CDC16: variants seen among roughly 807,000 people sequenced by gnomAD.
CDC16 encodes cell division cycle 16.
A neutral mutation model predicts 87.0 loss-of-function variants in CDC16; 34 were observed. That is an observed-to-expected ratio of 0.39 (90% confidence interval 0.30 to 0.52). The LOEUF is 0.52. Ranked by LOEUF, CDC16 falls within the 20% of genes least tolerant of loss-of-function variation. CDC16 has a pLI of 0.74. For synonymous variants in CDC16, 263 were observed against 260.6 expected (o/e 1.01, Z -0.09); for missense variants, 653 against 751.9 (o/e 0.87, Z 1.54).
rs745823334 is a variant in CDC16, at chr13:114,243,863, A to T, written c.641A>T (p.Lys214Met). 6.2e-7 allele frequency: 1 copy of T among 1,609,258 alleles called. No individual in the cohort carries two copies. The highest frequency in any genetic ancestry group is 2.2e-5 in the East Asian group (1 of 44,794). The change falls in exon 8 of 18, where the codon AAG becomes ATG. Residue 214 changes from lysine to methionine, a missense_variant. Transcript: ENST00000356221. ...CATTTCTATGTGTTTCAGTATAATA[A>T]GCCTAGTGAAACGGTCATCCCTGAA... ...LFENKLKKYN[K>M]PSETVIPESV...
At chr13:114,250,366 C>T (rs959114734) in intron 11 of CDC16, among the ~76,000 whole-genome samples, 183 bp from the exon 12 acceptor site, 1 of 151,820 alleles carries the variant, frequency 6.6e-6, no homozygotes, top group African/African-American at 2.4e-5. Flanking sequence ...GTGGCGGGTG[C>T]CTGTAATCCC....
chr13:114,258,263 G>A (rs1046208694), intron 13 of CDC16, among the ~76,000 whole-genome samples: 4 of 152,090 alleles, frequency 2.6e-5, no homozygotes, highest in African/African-American at 4.8e-5. Flanking sequence ...ATTTGTAACC[G>A]CCAAATCAGT....
intron 3 of CDC16, 79 bp downstream of exon 3, chr13:114,236,975 C>T: frequency 1.2e-6 from 1 of 855,160 alleles, no homozygotes; most frequent in Non-Finnish European, 1.8e-6. Context: ...GTGGCTTACA[C>T]CTGTAATCCC....
At chr13:114,266,468 G>A (rs2083219495) in intron 17 of CDC16, among the ~76,000 whole-genome samples, 1 of 152,162 alleles carries the variant, frequency 6.6e-6, no homozygotes, top group African/African-American at 2.4e-5. Flanking sequence ...AAAAATGCAT[G>A]TTCCCATAGG....
At chr13:114,250,149 C>T (rs1212774065) in intron 11 of CDC16, among the ~76,000 whole-genome samples, 1 of 152,170 alleles carries the variant, frequency 6.6e-6, no homozygotes, top group Non-Finnish European at 1.5e-5. Context: ...GATCATACCA[C>T]TGCATTCCAG....
At chr13:114,271,974 C>T (rs141536453) in intron 17 of CDC16, among the ~76,000 whole-genome samples, 27 of 152,242 alleles carry the variant, frequency 1.8e-4, no homozygotes, top group African/African-American at 5.8e-4. Flanking sequence ...TGTTGTTTTC[C>T]TTCTGCTCTC....
rs941371443 is a variant in CDC16 at position 114,238,407 on chromosome 13, C to T, written c.202-583C>T. On this transcript the variant is annotated intron_variant, in intron 3 of 17. Coordinates refer to ENST00000356221, the MANE Select transcript of CDC16 (RefSeq NM_001078645.3). ...TGAAGTGGAGCTGCTGCGAGCTCCT[C>T]GGACGCCCAGCAGTTATTCACACTC... Among the ~76,000 whole-genome samples the T allele has an allele frequency of 1.1e-4, 15 of 139,032 alleles. 1 individual carries two copies. The highest frequency in any genetic ancestry group is 2.9e-4 in the African/African-American group (10 of 34,410). 91.2% of individuals were successfully genotyped at this position (139,032 alleles called of 152,430 possible).
chr13:114,238,293 C>T lies in CDC16; in HGVS notation c.202-697C>T, dbSNP rs368846323. 2.4e-3 allele frequency among the ~76,000 whole-genome samples: 318 copies of T among 133,364 alleles called. 14 individuals are homozygous for T. In the South Asian group the frequency reaches 0.065, roughly 27 times the overall value. 87.5% of individuals were successfully genotyped at this position (133,364 alleles called of 152,430 possible). Reference sequence around the variant, plus strand: ...TGAAGTGGAGCTGCTGTGAGCTCCTCGGACGCCCAGCAGTTATTCACACTC... The same window carrying T: ...TGAAGTGGAGCTGCTGTGAGCTCCTTGGACGCCCAGCAGTTATTCACACTC... On this transcript the variant is annotated intron_variant, in intron 3 of 17. Transcript: ENST00000356221.
intron 11 of CDC16, among the ~76,000 whole-genome samples, chr13:114,247,795 G>C (rs1233285990): frequency 6.6e-6 from 1 of 152,128 alleles, no homozygotes; most frequent in African/African-American, 2.4e-5. Context: ...AGAATCGCTT[G>C]AACCTGGAAA....
At chr13:114,256,911 A>C (rs1266705243) in intron 12 of CDC16, among the ~76,000 whole-genome samples, 167 bp from the exon 13 acceptor site, 2 of 152,238 alleles carry the variant, frequency 1.3e-5, no homozygotes, top group African/African-American at 2.4e-5. Context: ...GATTAGTCCA[A>C]AGCCCATTAG....
At chr13:114,236,531 T>A (rs990874204) in intron 1 of CDC16, 114 bp from the exon 2 acceptor site, 1 of 887,944 alleles carries the variant, frequency 1.1e-6, no homozygotes, top group African/African-American at 1.8e-5. Context: ...GATGAAGATT[T>A]ATTACATAGA....
chr13:114,239,186 C>G, intron 4 of CDC16, 158 bp downstream of exon 4: 1 of 1,404,530 alleles, frequency 7.1e-7, no homozygotes, highest in Non-Finnish European at 9.6e-7. Flanking sequence ...CTATAAAATA[C>G]TGATTCTTCG....
chr13:114,271,767 C>T (rs1430756252), intron 17 of CDC16, among the ~76,000 whole-genome samples: 1 of 152,062 alleles, frequency 6.6e-6, no homozygotes, highest in East Asian at 1.9e-4. Flanking sequence ...AGGTGTGAGC[C>T]ACCGCGCCTG....
intron 12 of CDC16, among the ~76,000 whole-genome samples, chr13:114,252,834 C>G (rs1161537933): frequency 6.6e-6 from 1 of 152,124 alleles, no homozygotes; most frequent in Non-Finnish European, 1.5e-5. Flanking sequence ...CAAACTTTGT[C>G]ATTAAATTCT....
intron 1 of CDC16, among the ~76,000 whole-genome samples, 179 bp downstream of exon 1, chr13:114,235,311 A>C (rs902797958): frequency 6.6e-6 from 1 of 151,922 alleles, no homozygotes; most frequent in Non-Finnish European, 1.5e-5. Context: ...CGGTCCCTGC[A>C]GCTGGGAGGG....
At chr13:114,258,699 A>G (rs1452929620) in intron 13 of CDC16, among the ~76,000 whole-genome samples, 1 of 152,170 alleles carries the variant, frequency 6.6e-6, no homozygotes, top group Non-Finnish European at 1.5e-5. Flanking sequence ...CGCATTGATC[A>G]ATTAGAGAAA....
chr13:114,253,961 T>G (rs2082350164), intron 12 of CDC16, among the ~76,000 whole-genome samples: 1 of 152,224 alleles, frequency 6.6e-6, no homozygotes, highest in Admixed American at 6.5e-5. Context: ...TCACTTCATA[T>G]ATTCTGAGTC....
Position 114,239,458 on chromosome 13 carries a change from C to T in CDC16, c.349C>T (p.Pro117Ser). The stretch of plus-strand genomic sequence containing the variant: ...GAAGGACGAAAGTGGCTTCAAAGAT[C>T]CTTCCAGCGACTGGGAAATGTCACA... ...YLKDESGFKD[P>S]SSDWEMSQSS... The change falls in exon 5 of 18, where the codon CCT becomes TCT. Residue 117 changes from proline to serine, a missense_variant. Coordinates refer to ENST00000356221, the MANE Select transcript of CDC16 (RefSeq NM_001078645.3). The T allele has an allele frequency of 1.9e-6, 3 of 1,612,640 alleles. No individual in the cohort carries two copies. The highest frequency in any genetic ancestry group is 2.5e-6 in the Non-Finnish European group (3 of 1,178,922).
chr13:114,272,456 G>T lies in CDC16; in HGVS notation c.*13G>T. 1 of 1,611,146 alleles carries T rather than the reference G, an allele frequency of 6.2e-7. No individual in the cohort carries two copies. The highest frequency in any genetic ancestry group is 1.1e-5 in the South Asian group (1 of 90,806). The stretch of plus-strand genomic sequence containing the variant: ...CCACAGCACGTGACTCCAGTCAGTG[G>T]TCCTGGTCCCACTGTCCCAGTGTAG... On this transcript the variant is annotated 3_prime_UTR_variant, in exon 18 of 18. Coordinates refer to ENST00000356221, the MANE Select transcript of CDC16 (RefSeq NM_001078645.3).
Sources: gnomAD v4.1 joint callset for allele counts (sites outside exome capture counted in the v4.1 genomes callset) on GRCh38, gnomAD v4.1.1 for gene constraint, MANE v1.5 for transcripts, NCBI Gene and HGNC (gene_info 2026-07-23, HGNC 2026-07-21) for gene names.